SAR1A: variants seen among roughly 807,000 people sequenced by gnomAD.
SAR1A encodes secretion associated Ras related GTPase 1A.
Under a neutral mutation model 22.6 loss-of-function variants are expected in SAR1A, and 6 were observed. The ratio of observed to expected loss-of-function variants is 0.27; its 90% CI spans 0.15 to 0.52. The LOEUF (loss-of-function observed/expected upper bound fraction) is 0.52, where lower values mean the gene tolerates loss of function less well. SAR1A is among the 20% of genes least tolerant of loss of function. SAR1A has a pLI of 0.96. For synonymous variants in SAR1A, 70 were observed against 82.2 expected, an observed-to-expected ratio of 0.85 and a Z score of 0.80; for missense variants, 145 against 245.1, an observed-to-expected ratio of 0.59 and a Z score of 2.73.
At chr10:70,162,960 C>T (rs2136718489) in intron 1 of SAR1A, 1 of 152,362 alleles carries the variant, frequency 6.6e-6, no homozygotes, top group Non-Finnish European at 1.5e-5. Context: ...CCATAGAAGA[C>T]AGCAAACTTG....
intron 3 of SAR1A, 23 bp from the exon 4 acceptor site, chr10:70,161,092 GA>G (rs1445696648): frequency 2.5e-6 from 4 of 1,587,342 alleles, no homozygotes; most frequent in Non-Finnish European, 2.6e-6. Flanking sequence ...TTAAAAAGAA[GA>G]AAAAAACTTG....
chr10:70,165,703 C>T (rs987356730), intron 1 of SAR1A, among the ~76,000 whole-genome samples: 2 of 152,088 alleles, frequency 1.3e-5, no homozygotes, highest in African/African-American at 4.8e-5. Context: ...TGAAATGACA[C>T]CAACAATTTA....
chr10:70,161,589 C>A, intron 3 of SAR1A, 30 bp downstream of exon 3: 2 of 1,610,512 alleles, frequency 1.2e-6, no homozygotes, highest in South Asian at 2.2e-5. Flanking sequence ...CTTTAAAGAT[C>A]AAAAGGTCAC....
chr10:70,157,072 C>T (rs1443799439), intron 5 of SAR1A, among the ~76,000 whole-genome samples: 1 of 152,130 alleles, frequency 6.6e-6, no homozygotes, highest in Non-Finnish European at 1.5e-5. Flanking sequence ...TCTAATATCG[C>T]TTTTAGGCTT....
intron 1 of SAR1A, chr10:70,162,733 T>C (rs1316982086): frequency 1.3e-5 from 2 of 152,198 alleles, no homozygotes; most frequent in Non-Finnish European, 2.9e-5. Context: ...TTCTGGTTTT[T>C]TTACAAATTG....
At chr10:70,155,328 A>G (rs1178405996) in intron 5 of SAR1A, among the ~76,000 whole-genome samples, 3 of 152,222 alleles carry the variant, frequency 2.0e-5, no homozygotes, top group Non-Finnish European at 4.4e-5. Context: ...AATTTAAAAA[A>G]GACAAATGAG....
At chr10:70,165,688 A>G (rs1225785655) in intron 1 of SAR1A, among the ~76,000 whole-genome samples, 1 of 152,228 alleles carries the variant, frequency 6.6e-6, no homozygotes, top group Admixed American at 6.5e-5. Flanking sequence ...TGCTATGAAT[A>G]CTGTTGAAAT....
chr10:70,156,676 A>AC (rs1325194853), intron 5 of SAR1A, among the ~76,000 whole-genome samples: 1 of 151,892 alleles, frequency 6.6e-6, no homozygotes, highest in East Asian at 1.9e-4. Context: ...CTGTTTAAAA[A>AC]AAAAAAAAAA....
chr10:70,151,730 TAAC>T lies in SAR1A; in HGVS notation c.*743_*745del, dbSNP rs1269260796. The T allele has an allele frequency of 1.3e-5, 2 of 152,718 alleles. No homozygotes were observed. The highest frequency in any genetic ancestry group is 4.8e-5 in the African/African-American group (2 of 41,574). 9.5% of individuals were successfully genotyped at this position (152,718 alleles called of 1,614,324 possible). A position where few individuals can be genotyped will look rare whatever the true frequency, so the allele number is the denominator to read the frequency against. On this transcript the variant is annotated 3_prime_UTR_variant, in exon 7 of 7. Coordinates refer to ENST00000373241, the MANE Select transcript of SAR1A (RefSeq NM_020150.5). ...AAATCTGTAACTTCATGAGTAAGAA[TAAC>T]AACAATAACCCATTCTATAATTAAC...
At chr10:70,161,309 C>G in intron 3 of SAR1A, 1 of 551,382 alleles carries the variant, frequency 1.8e-6, no homozygotes, top group Non-Finnish European at 3.2e-6. Context: ...AAAAGGAATA[C>G]AAGGGTGAAA....
In SAR1A at chr10:70,161,653, G is replaced by C; in HGVS notation, c.144C>G (p.Asp48Glu). The part of the protein sequence containing the change: ...KTTLLHMLKD[D>E]RLGQHVPTLH... ...GTGTTGGAACATGTTGGCCCAATCT[G>C]TCATCTTTGAGCATGTGAAGAAGAG... The change falls in exon 3 of 7, where the codon GAC becomes GAG. Residue 48 changes from aspartate to glutamate, a missense_variant. Physicochemically the swap from Asp to Glu is conservative, Grantham distance 45. This residue lies in a region of SAR1A where 40 missense variants were observed against 105.7 expected (regional missense o/e 0.38). Transcript: ENST00000373241. The C allele has an allele frequency of 1.9e-6, 3 of 1,612,390 alleles. No homozygotes were observed. Among genetic ancestry groups the C allele is most frequent in the Non-Finnish European group, 2.5e-6 (3 of 1,179,962 alleles).
In SAR1A at chr10:70,150,614, A is replaced by C. The variant is rs1047044604; in HGVS notation, c.*1862T>G. ...AGTAATCATACTTCTCATGTCTCCGAACAGAGAAGTATGGGGGACCTTTAA... is the reference window on the plus strand; with the variant it reads ...AGTAATCATACTTCTCATGTCTCCGCACAGAGAAGTATGGGGGACCTTTAA... On this transcript the variant is annotated 3_prime_UTR_variant, in exon 7 of 7. Coordinates refer to ENST00000373241, the MANE Select transcript of SAR1A (RefSeq NM_020150.5). 6.6e-6 allele frequency: 1 copy of C among 152,248 alleles called. No individual in the cohort carries two copies. Among genetic ancestry groups the C allele is most frequent in the African/African-American group, 2.4e-5 (1 of 41,472 alleles). The allele number at this position is 152,248 out of a possible 1,614,324, so 9.4% of individuals were successfully genotyped here. A position where few individuals can be genotyped will look rare whatever the true frequency, so the allele number is the denominator to read the frequency against.
chr10:70,160,958 A>C lies in SAR1A; in HGVS notation c.244+46T>G, dbSNP rs150815849. ...CTTTTAAAAGGAGCTGGGAGGCACA[A>C]AAAAAATAAGTCAATAAACATGCTT... On this transcript the variant is annotated intron_variant, in intron 4 of 6. Coordinates refer to ENST00000373241, the MANE Select transcript of SAR1A (RefSeq NM_020150.5). 1,665 of 1,454,292 alleles carry C rather than the reference A, an allele frequency of 1.1e-3. 24 individuals carry two copies. The African/African-American group carries it at 0.021, about 18-fold the overall frequency. 90.1% of individuals were successfully genotyped at this position (1,454,292 alleles called of 1,614,324 possible).
intron 5 of SAR1A, among the ~76,000 whole-genome samples, chr10:70,155,738 T>C (rs952067089): frequency 6.6e-6 from 1 of 152,058 alleles, no homozygotes; most frequent in Non-Finnish European, 1.5e-5. Context: ...CATTTTAAAA[T>C]TTGCCGACAA....
chr10:70,168,831 C>A (rs1232324971), intron 1 of SAR1A, among the ~76,000 whole-genome samples: 1 of 151,850 alleles, frequency 6.6e-6, no homozygotes, highest in Non-Finnish European at 1.5e-5. Flanking sequence ...AATGCCCCCG[C>A]CCCCCTTTTC....
chr10:70,152,700 T>C (rs574558062), intron 6 of SAR1A, 108 bp from the exon 7 acceptor site: 1 of 792,198 alleles, frequency 1.3e-6, no homozygotes, highest in Non-Finnish European at 2.2e-6. Context: ...CAAACCTAAG[T>C]AGGTATTAAT....
chr10:70,156,412 C>T (rs2136711642), intron 5 of SAR1A, among the ~76,000 whole-genome samples: 1 of 152,224 alleles, frequency 6.6e-6, no homozygotes, highest in Non-Finnish European at 1.5e-5. Context: ...TGCCTGTAAT[C>T]CCAGCACCTC....
At position 70,154,008 on chromosome 10, in the gene SAR1A, TTAAG is replaced by T. The variant is rs1440871585; in HGVS notation, c.349-43_349-40del. On this transcript the variant is annotated intron_variant, in intron 5 of 6. Coordinates refer to ENST00000373241, the MANE Select transcript of SAR1A (RefSeq NM_020150.5). ...AAAAAGAAAAAAAGAAAAAAAAGAA[TTAAG>T]TGAGGAATCTACAAAAGCCCACCAG... is the stretch of plus-strand genomic sequence containing the variant. 7 of 1,488,020 alleles carry T rather than the reference TTAAG, an allele frequency of 4.7e-6. No individual in the cohort carries two copies. In the Admixed American group the frequency reaches 6.8e-5, roughly 14 times the overall value. The allele number at this position is 1,488,020 out of a possible 1,614,324, so 92.2% of individuals were successfully genotyped here.
At position 70,149,096 on chromosome 10, in the gene SAR1A, T is replaced by C. The variant is rs541102615; in HGVS notation, c.*3380A>G. 2 of 152,342 alleles carry C rather than the reference T, an allele frequency of 1.3e-5. No individual in the cohort carries two copies. The highest frequency in any genetic ancestry group is 4.2e-4 in the South Asian group (2 of 4,818). 9.4% of individuals were successfully genotyped at this position (152,342 alleles called of 1,614,324 possible). ...CAGGACACCTCCAGTACTTTTTATT[T>C]TTTTTGAGATGGGAGTCACCCAGGC... On this transcript the variant is annotated 3_prime_UTR_variant, in exon 7 of 7. Transcript: ENST00000373241.
Sources: gnomAD v4.1 joint callset for allele counts (sites outside exome capture counted in the v4.1 genomes callset) on GRCh38, gnomAD v4.1.1 for gene constraint, gnomAD v4.1.1 regional missense constraint, MANE v1.5 for transcripts, NCBI Gene and HGNC (gene_info 2026-07-23, HGNC 2026-07-21) for gene names.